Variants in NELL2 observed in about 807,000 individuals in gnomAD.
NELL2 encodes protein kinase C-binding protein NELL2.
In NELL2, 41 loss-of-function variants were observed where a neutral mutation model predicts 109.6. The ratio of observed to expected loss-of-function variants is 0.37; its 90% CI spans 0.29 to 0.49. NELL2 has a LOEUF of 0.49. Among genes scored for constraint, NELL2 ranks in the 20% least tolerant of loss-of-function variants. NELL2 has a pLI of 0.98. For missense variants in NELL2, 900 were observed against 1,008.3 expected (o/e 0.89, Z 1.45); for synonymous variants, 355 against 344.7 (o/e 1.03, Z -0.33).
At chr12:44,782,951 G>A (rs1942020491) in intron 3 of NELL2, among the ~76,000 whole-genome samples, 2 of 151,846 alleles carry the variant, frequency 1.3e-5, no homozygotes, top group South Asian at 4.1e-4. Flanking sequence ...TTCCCTTCAA[G>A]TTCCCAAGGG....
rs1036174229 is a variant in NELL2, at chr12:44,638,932, G to A, written c.1444+26552C>T. The stretch of plus-strand genomic sequence containing the variant: ...TTTTCTAATAGTCTCATTAAAAATT[G>A]TACTGAGATTAATTTTAATAGTATA... On this transcript the variant is annotated intron_variant, in intron 13 of 19. Transcript: ENST00000429094. Among the ~76,000 whole-genome samples, 5 of 152,154 alleles carry A rather than the reference G, an allele frequency of 3.3e-5. No individual in the cohort carries two copies. The East Asian group carries it at 9.6e-4, about 29-fold the overall frequency.
chr12:44,585,182 C>T (rs1232055970), intron 15 of NELL2, among the ~76,000 whole-genome samples: 2 of 152,162 alleles, frequency 1.3e-5, no homozygotes, highest in African/African-American at 4.8e-5. Flanking sequence ...TTTAACTTTG[C>T]AATTTTACTT....
intron 9 of NELL2, among the ~76,000 whole-genome samples, chr12:44,722,743 C>T (rs375182712): frequency 2.0e-5 from 3 of 152,234 alleles, no homozygotes; most frequent in African/African-American, 7.2e-5. Context: ...CAATAATATA[C>T]TTTGTCCCAG....
chr12:44,875,549 C>G (rs754330322), intron 1 of NELL2, 196 bp from the exon 2 acceptor site: 2 of 1,613,958 alleles, frequency 1.2e-6, no homozygotes, highest in East Asian at 2.2e-5. Flanking sequence ...GCACCCAGTC[C>G]CGTTTCCATG....
chr12:44,820,700 A>C (rs1289862103), intron 2 of NELL2, among the ~76,000 whole-genome samples: 1 of 152,142 alleles, frequency 6.6e-6, no homozygotes, highest in Non-Finnish European at 1.5e-5. Context: ...GGCAAAAGGA[A>C]TCCAGTTGAC....
intron 13 of NELL2, among the ~76,000 whole-genome samples, chr12:44,640,353 T>C (rs569402964): frequency 4.5e-4 from 69 of 152,296 alleles, no homozygotes; most frequent in South Asian, 1.2e-3. Context: ...GCTGAAGGGG[T>C]AAATACTTTG....
intron 13 of NELL2, among the ~76,000 whole-genome samples, chr12:44,647,412 A>C (rs1214665584): frequency 6.6e-6 from 1 of 152,258 alleles, no homozygotes; most frequent in Non-Finnish European, 1.5e-5. Context: ...TCTGAGATTT[A>C]GCTTTCTCAT....
chr12:44,859,006 G>A (rs979804798), intron 2 of NELL2, among the ~76,000 whole-genome samples: 1 of 152,208 alleles, frequency 6.6e-6, no homozygotes, highest in Non-Finnish European at 1.5e-5. Context: ...CTTAGAATTC[G>A]CTTGTGGTTA....
intron 15 of NELL2, among the ~76,000 whole-genome samples, chr12:44,540,781 C>CGAAAAAAAAAAAAAAAA (rs1942518415): frequency 2.0e-5 from 1 of 49,750 alleles, no homozygotes; most frequent in Non-Finnish European, 3.4e-5. Flanking sequence ...GTCTGCAAGC[C>CGAAAAAAAAAAAAAAAA]AAAAAAAAAA....
intron 2 of NELL2, 70 bp downstream of exon 2, chr12:44,875,155 C>A (rs1260826157): frequency 3.9e-6 from 6 of 1,550,528 alleles, no homozygotes; most frequent in African/African-American, 2.7e-5. Context: ...TTAGGACAAG[C>A]GGCAAGAGCA....
At chr12:44,630,929 T>A (rs1946433569) in intron 13 of NELL2, among the ~76,000 whole-genome samples, 1 of 152,130 alleles carries the variant, frequency 6.6e-6, no homozygotes, top group Non-Finnish European at 1.5e-5. Flanking sequence ...CCATGTCAAC[T>A]TCATTTGTGT....
At chr12:44,824,799 C>G (rs1206429727) in intron 2 of NELL2, among the ~76,000 whole-genome samples, 1 of 151,110 alleles carries the variant, frequency 6.6e-6, no homozygotes, top group Non-Finnish European at 1.5e-5. Flanking sequence ...CAAGCTCCGC[C>G]TCCCGGGTTC....
intron 10 of NELL2, among the ~76,000 whole-genome samples, chr12:44,713,177 TACACACACACACACACACAC>T (rs35017907): frequency 7.0e-6 from 1 of 141,910 alleles, no homozygotes; most frequent in Non-Finnish European, 1.5e-5. Flanking sequence ...ATGAATAGGA[TACACACACACACACACACAC>T]ACACACACAC....
chr12:44,512,019 G>GA (rs1466849496), intron 19 of NELL2, among the ~76,000 whole-genome samples: 4 of 151,870 alleles, frequency 2.6e-5, no homozygotes, highest in Non-Finnish European at 5.9e-5. Flanking sequence ...GCACAGCAAA[G>GA]AAAAAAATCA....
chr12:44,576,148 A>G lies in NELL2; in HGVS notation c.1663+31021T>C, dbSNP rs57792241. On this transcript the variant is annotated intron_variant, in intron 15 of 19. Transcript: ENST00000429094. ...AATCTTCCGCTTCCTTTAGATCTCA[A>G]TTCAAACCAATGACCTCAGTAAAGC... 9.2e-3 allele frequency among the ~76,000 whole-genome samples: 1,395 copies of G among 152,208 alleles called. 17 individuals are homozygous for G. Among genetic ancestry groups the G allele is most frequent in the African/African-American group, 0.032 (1,348 of 41,534 alleles).
At chr12:44,856,720 A>G (rs534764482) in intron 2 of NELL2, among the ~76,000 whole-genome samples, 1 of 152,324 alleles carries the variant, frequency 6.6e-6, no homozygotes, top group East Asian at 1.9e-4. Context: ...TCAGAAAAGT[A>G]AAAGGGTGGG....
At chr12:44,598,991 A>G (rs1945087758) in intron 15 of NELL2, among the ~76,000 whole-genome samples, 1 of 152,146 alleles carries the variant, frequency 6.6e-6, no homozygotes, top group African/African-American at 2.4e-5. Context: ...GAGTGGGGAG[A>G]AAAAGAAATG....
At chr12:44,685,302 G>A (rs1328129689) in intron 12 of NELL2, among the ~76,000 whole-genome samples, 1 of 151,842 alleles carries the variant, frequency 6.6e-6, no homozygotes, top group African/African-American at 2.4e-5. Flanking sequence ...TTGAGCCTAT[G>A]TGTGTCTCTG....
chr12:44,897,012 G>C (rs908584476), intron 1 of NELL2, among the ~76,000 whole-genome samples: 1 of 152,158 alleles, frequency 6.6e-6, no homozygotes, highest in African/African-American at 2.4e-5. Context: ...TTAGCCTTTT[G>C]TGCAAATAAA....
Sources: allele counts gnomAD v4.1 joint callset (sites outside exome capture counted in the v4.1 genomes callset), GRCh38; gene constraint gnomAD v4.1.1; transcripts MANE v1.5; gene names NCBI Gene and HGNC (gene_info 2026-07-23, HGNC 2026-07-21).